The following CUEDC1 variants were observed in gnomAD, a reference collection of about 807,000 sequenced individuals.
CUEDC1 encodes CUE domain containing 1, also known as CUE domain-containing protein 1.
CUEDC1 carries 30 observed loss-of-function variants against 43.7 expected under a neutral mutation model. The ratio of observed to expected loss-of-function variants is 0.69; its 90% CI spans 0.51 to 0.93. The LOEUF is 0.93. Ranked by LOEUF, CUEDC1 falls within the 40% of genes least tolerant of loss-of-function variation. The pLI is 0.00. For missense variants in CUEDC1, 486 were observed against 549.0 expected, an observed-to-expected ratio of 0.89 and a Z score of 1.15; for synonymous variants, 223 against 223.6, an observed-to-expected ratio of 1.00 and a Z score of 0.02.
At position 57,873,708 on chromosome 17, in the gene CUEDC1, C is replaced by T. The variant is rs200050222; in HGVS notation, c.474G>A (p.Ala158=). ...GGCTTGTAGGGGCTCCAGAGCCCAG[C>T]GCGTCGATACTAGGGGATGGCAGGT... ...APPTPPPRID[A]LGSGAPTSQR... Residue 158 remains alanine (A), a synonymous_variant, in exon 4 of 11, where the codon GCG becomes GCA. Transcript: ENST00000577830. 57 of 1,582,696 alleles carry T rather than the reference C, an allele frequency of 3.6e-5. No individual in the cohort carries two copies. Among genetic ancestry groups the T allele is most frequent in the Admixed American group, 3.2e-4 (18 of 55,630 alleles).
intron 8 of CUEDC1, chr17:57,867,763 G>A (rs2073981042): frequency 2.1e-6 from 1 of 473,062 alleles, no homozygotes. Context: ...AGGAAGGGAG[G>A]GCCAACATGC....
chr17:57,932,281 C>CAAAAAAAAAAAAA lies in CUEDC1; in HGVS notation c.-316+22931_-316+22943dup, dbSNP rs56137797. On this transcript the variant is annotated intron_variant, in intron 1 of 10. Coordinates refer to ENST00000577830, the MANE Select transcript of CUEDC1 (RefSeq NM_001271875.2). ...TGGGCAACAAAGTGACACTGTGTCT[C>CAAAAAAAAAAAAA]AAAAAAAAAAAAAAAAAAAAAAGGC... 2.2e-4 allele frequency among the ~76,000 whole-genome samples: 27 copies of CAAAAAAAAAAAAA among 121,956 alleles called. 1 individual carries two copies. Among genetic ancestry groups the CAAAAAAAAAAAAA allele is most frequent in the African/African-American group, 9.3e-4 (21 of 22,508 alleles). 80.0% of individuals were successfully genotyped at this position (121,956 alleles called of 152,430 possible). A position where few individuals can be genotyped will look rare whatever the true frequency, so the allele number is the denominator to read the frequency against.
intron 1 of CUEDC1, among the ~76,000 whole-genome samples, chr17:57,935,345 AT>A (rs367919435): frequency 0.035 from 5,025 of 141,748 alleles, 129 homozygotes; most frequent in African/African-American, 0.063. Context: ...CGTGACAGTG[AT>A]TTTTTTTTTT....
chr17:57,879,765 A>C (rs971681193), intron 2 of CUEDC1, 27 bp from the exon 3 acceptor site: 1 of 1,584,988 alleles, frequency 6.3e-7, no homozygotes, highest in African/African-American at 1.4e-5. Flanking sequence ...AGAGAAAGAA[A>C]TATTAATCAT....
At chr17:57,867,794 G>A (rs1440589889) in intron 8 of CUEDC1, among the ~76,000 whole-genome samples, 9 of 152,198 alleles carry the variant, frequency 5.9e-5, no homozygotes, top group Non-Finnish European at 1.2e-4. Flanking sequence ...GAGGACTCGT[G>A]CACCAGTTCA....
chr17:57,946,404 T>C (rs1203416471), intron 1 of CUEDC1, among the ~76,000 whole-genome samples: 1 of 152,190 alleles, frequency 6.6e-6, no homozygotes, highest in African/African-American at 2.4e-5. Context: ...GGAAAACTGC[T>C]GATTTTCTAG....
intron 1 of CUEDC1, among the ~76,000 whole-genome samples, chr17:57,934,343 G>A (rs2074838967): frequency 6.6e-6 from 1 of 151,940 alleles, no homozygotes; most frequent in Admixed American, 6.6e-5. Flanking sequence ...AGTGAGCCAA[G>A]ATCACACCAC....
chr17:57,913,220 T>C (rs1408034238), intron 1 of CUEDC1, among the ~76,000 whole-genome samples: 1 of 151,518 alleles, frequency 6.6e-6, no homozygotes, highest in Non-Finnish European at 1.5e-5. Flanking sequence ...CCCAACTACT[T>C]GGGAGGCTGA....
intron 2 of CUEDC1, among the ~76,000 whole-genome samples, chr17:57,882,267 C>G (rs1171236457): frequency 6.6e-6 from 1 of 150,718 alleles, no homozygotes; most frequent in African/African-American, 2.4e-5. Flanking sequence ...GGCTCAGGAG[C>G]TGCCTGCCTA....
chr17:57,870,239 G>A (rs1184159751), intron 6 of CUEDC1, among the ~76,000 whole-genome samples: 1 of 152,234 alleles, frequency 6.6e-6, no homozygotes, highest in African/African-American at 2.4e-5. Context: ...CAGGCACCAG[G>A]TCATCGTTCC....
intron 1 of CUEDC1, among the ~76,000 whole-genome samples, chr17:57,912,710 A>G (rs2074596866): frequency 6.6e-6 from 1 of 152,274 alleles, no homozygotes; most frequent in Non-Finnish European, 1.5e-5. Flanking sequence ...GTGTAAAAAT[A>G]AACTGCAAAA....
At chr17:57,912,500 G>A (rs1202941099) in intron 1 of CUEDC1, 1 of 152,164 alleles carries the variant, frequency 6.6e-6, no homozygotes, top group Non-Finnish European at 1.5e-5. Context: ...TTTGGAGCAG[G>A]CTGAAGAGAT....
In CUEDC1 at chr17:57,929,814, T is replaced by C. The variant is rs1457318800; in HGVS notation, c.-316+25411A>G. Among the ~76,000 whole-genome samples the C allele has an allele frequency of 2.0e-5, 3 of 152,264 alleles. No homozygotes were observed. In the East Asian group the frequency reaches 5.8e-4, roughly 29 times the overall value. On this transcript the variant is annotated intron_variant, in intron 1 of 10. Coordinates refer to ENST00000577830, the MANE Select transcript of CUEDC1 (RefSeq NM_001271875.2). ...AGTCTGTCTCTCTCTCTCTTTTTCT[T>C]TTTTGAGACGGAGTTTCGCTCTTGT...
chr17:57,873,566 G>A lies in CUEDC1; in HGVS notation c.591+25C>T, dbSNP rs554986028. ...AGATGCTGGACAAGCAGGTGGGAGT[G>A]GAAGGCGGGGGCGGCCCCTGTTACC... On this transcript the variant is annotated intron_variant, in intron 4 of 10. Coordinates refer to ENST00000577830, the MANE Select transcript of CUEDC1 (RefSeq NM_001271875.2). The A allele has an allele frequency of 5.4e-5, 82 of 1,523,920 alleles. No individual in the cohort carries two copies. In the South Asian group the frequency reaches 9.8e-4, roughly 18 times the overall value. 94.4% of individuals were successfully genotyped at this position (1,523,920 alleles called of 1,614,324 possible).
chr17:57,863,101 C>T lies in CUEDC1; in HGVS notation c.*188G>A, dbSNP rs796167362. 2.0e-5 allele frequency: 3 copies of T among 152,722 alleles called. No homozygotes were observed. Among genetic ancestry groups the T allele is most frequent in the Admixed American group, 6.5e-5 (1 of 15,296 alleles). 9.5% of individuals were successfully genotyped at this position (152,722 alleles called of 1,614,324 possible). On this transcript the variant is annotated 3_prime_UTR_variant, in exon 11 of 11. Coordinates refer to ENST00000577830, the MANE Select transcript of CUEDC1 (RefSeq NM_001271875.2). ...TCCTCCAATTGCAAGGCAGCAACTC[C>T]GAAGTTCTAAGTCCCATGGAAAGTG...
intron 1 of CUEDC1, among the ~76,000 whole-genome samples, chr17:57,918,780 A>G (rs2074670051): frequency 6.6e-6 from 1 of 152,254 alleles, no homozygotes; most frequent in Non-Finnish European, 1.5e-5. Flanking sequence ...TGAAGCAAGT[A>G]GATGGCATAC....
chr17:57,877,745 T>G (rs58003862), intron 3 of CUEDC1, among the ~76,000 whole-genome samples: 80,246 of 151,274 alleles, frequency 0.53, 23,375 homozygotes, highest in African/African-American at 0.77. Context: ...GTTAGCCGGG[T>G]GTGGTGGCAC....
intron 1 of CUEDC1, among the ~76,000 whole-genome samples, chr17:57,920,796 G>A (rs983667800): frequency 2.4e-4 from 37 of 151,688 alleles, no homozygotes; most frequent in African/African-American, 7.7e-4. Flanking sequence ...CCACCATGCC[G>A]AGTAAATTTT....
intron 1 of CUEDC1, among the ~76,000 whole-genome samples, chr17:57,894,193 G>A: frequency 6.6e-6 from 1 of 152,236 alleles, no homozygotes; most frequent in East Asian, 1.9e-4. Context: ...CAGGACACCT[G>A]GTTTCCATGC....
Sources: allele counts gnomAD v4.1 joint callset (sites outside exome capture counted in the v4.1 genomes callset), GRCh38; gene constraint gnomAD v4.1.1; transcripts MANE v1.5; gene names NCBI Gene and HGNC (gene_info 2026-07-23, HGNC 2026-07-21).